The following AK9 variants were observed in gnomAD, a reference collection of about 807,000 sequenced individuals.
The protein encoded by AK9 is adenylate kinase 9, also known as adenylate kinase domain containing 1.
A neutral mutation model predicts 239.6 loss-of-function variants in AK9; 191 were observed. That is an observed-to-expected ratio of 0.80 (90% CI 0.71 to 0.90). The LOEUF (loss-of-function observed/expected upper bound fraction) is 0.90, where lower values mean the gene tolerates loss of function less well. Ranked by LOEUF, AK9 falls within the 40% of genes least tolerant of loss-of-function variation. The pLI is 0.00. For missense variants in AK9, 1,995 were observed against 2,214.7 expected (o/e 0.90, Z 1.99); for synonymous variants, 689 against 721.0 (o/e 0.96, Z 0.71).
chr6:109,518,190 G>A (rs1779462155), intron 29 of AK9, among the ~76,000 whole-genome samples: 2 of 152,136 alleles, frequency 1.3e-5, no homozygotes, highest in Admixed American at 1.3e-4. Context: ...GGAGGAAGAT[G>A]AGAGCATCAG....
chr6:109,605,372 A>C (rs976073641), intron 17 of AK9, among the ~76,000 whole-genome samples: 2 of 152,186 alleles, frequency 1.3e-5, no homozygotes, highest in African/African-American at 4.8e-5. Context: ...CATGTTAATA[A>C]GGTATTCTGC....
intron 21 of AK9, among the ~76,000 whole-genome samples, chr6:109,565,998 G>A (rs1231660036): frequency 6.6e-6 from 1 of 152,010 alleles, no homozygotes; most frequent in Non-Finnish European, 1.5e-5. Context: ...TACAAACCAT[G>A]GAAGAGAAAA....
At chr6:109,605,588 T>C (rs1025089173) in intron 17 of AK9, among the ~76,000 whole-genome samples, 4 of 152,112 alleles carry the variant, frequency 2.6e-5, no homozygotes, top group Non-Finnish European at 5.9e-5. Flanking sequence ...AAAGAGCAAA[T>C]ACTGAGCAAT....
chr6:109,531,376 C>T (rs1781231486), intron 28 of AK9, among the ~76,000 whole-genome samples: 1 of 151,862 alleles, frequency 6.6e-6, no homozygotes, highest in African/African-American at 2.4e-5. Flanking sequence ...GGGGCAAATG[C>T]CTGGGGTGAT....
At position 109,662,866 on chromosome 6, in the gene AK9, A is replaced by C. The variant is rs576917796; in HGVS notation, c.332-203T>G. ...GAATAATGTTTTTCTGATGATAAAGAAATCACTGGACTAGAAGAAGACATT... is the reference window on the plus strand; with the variant it reads ...GAATAATGTTTTTCTGATGATAAAGCAATCACTGGACTAGAAGAAGACATT... On this transcript the variant is annotated intron_variant, in intron 5 of 40. Coordinates refer to ENST00000424296, the MANE Select transcript of AK9 (RefSeq NM_001145128.3). 2.2e-4 allele frequency among the ~76,000 whole-genome samples: 34 copies of C among 152,130 alleles called. No individual in the cohort carries two copies. The East Asian group carries it at 2.3e-3, about 10-fold the overall frequency.
At chr6:109,508,035 G>A (rs999390647) in intron 33 of AK9, among the ~76,000 whole-genome samples, 15 of 152,160 alleles carry the variant, frequency 9.9e-5, no homozygotes, top group Non-Finnish European at 1.9e-4. Flanking sequence ...GGCTTCGCTG[G>A]AGTCTCCATG....
At chr6:109,555,974 G>A (rs1251465109) in intron 24 of AK9, among the ~76,000 whole-genome samples, 2 of 152,098 alleles carry the variant, frequency 1.3e-5, no homozygotes, top group Non-Finnish European at 2.9e-5. Context: ...TTGCCATTCT[G>A]TACATTTGAA....
chr6:109,659,361 T>G lies in AK9; in HGVS notation c.497A>C (p.Asn166Thr). Reference sequence around the variant, plus strand: ...GTCTCTACTGTATATGTATCCCGTATTATTGTGCTGTCTTTGCCCAGAAAT... The same window carrying G: ...GTCTCTACTGTATATGTATCCCGTAGTATTGTGCTGTCTTTGCCCAGAAAT... The part of the protein sequence containing the change: ...QRISGQRQHN[N>T]TGYIYSRDQW... The change falls in exon 7 of 41, where the codon AAT becomes ACT. Residue 166 changes from asparagine to threonine, a missense_variant. By Grantham distance (65) the Asn-to-Thr change is moderately conservative. Transcript: ENST00000424296. 6.2e-7 allele frequency: 1 copy of G among 1,612,386 alleles called. No homozygotes were observed. Among genetic ancestry groups the G allele is most frequent in the African/African-American group, 1.3e-5 (1 of 74,970 alleles).
At chr6:109,502,955 GTA>G (rs1262036214) in intron 35 of AK9, among the ~76,000 whole-genome samples, 169 of 128,392 alleles carry the variant, frequency 1.3e-3, no homozygotes, top group Middle Eastern at 3.8e-3. Context: ...CACAGGAACG[GTA>G]TGTGTGTGTG....
chr6:109,661,739 C>A (rs1168655474), intron 6 of AK9, among the ~76,000 whole-genome samples: 2 of 152,184 alleles, frequency 1.3e-5, no homozygotes, highest in Admixed American at 1.3e-4. Flanking sequence ...GAGCTGAAAA[C>A]CATCTAGTTT....
At position 109,631,344 on chromosome 6, in the gene AK9, A is replaced by G. The variant is rs112114287; in HGVS notation, c.1254+1579T>C. ...TATTAGGAACTCTTACTAATAATATACAAAAACACAACTAAAAATGGGCAA... is the reference window on the plus strand; with the variant it reads ...TATTAGGAACTCTTACTAATAATATGCAAAAACACAACTAAAAATGGGCAA... On this transcript the variant is annotated intron_variant, in intron 12 of 40. Coordinates refer to ENST00000424296, the MANE Select transcript of AK9 (RefSeq NM_001145128.3). Among the ~76,000 whole-genome samples the G allele has an allele frequency of 2.7e-3, 418 of 152,316 alleles. 5 individuals are homozygous for G. The highest frequency in any genetic ancestry group is 9.8e-3 in the African/African-American group (406 of 41,568).
In AK9 at chr6:109,499,169, G is replaced by T; in HGVS notation, c.4921C>A (p.Gln1641Lys). The T allele has an allele frequency of 6.3e-7, 1 of 1,597,786 alleles. No homozygotes were observed. Among genetic ancestry groups the T allele is most frequent in the Non-Finnish European group, 8.5e-7 (1 of 1,171,478 alleles). The change falls in exon 36 of 41, where the codon CAG becomes AAG. Residue 1641 changes from glutamine to lysine, a missense_variant. Gln to Lys is a moderately conservative substitution (Grantham distance 53, BLOSUM62 1). Coordinates refer to ENST00000424296, the MANE Select transcript of AK9 (RefSeq NM_001145128.3). ...TCTGCCAGGCTGACAGGGCAGAACT[G>T]TTCAAATTCTCCCAGGCGAGAAAGC... ...ELLSRLGEFE[Q>K]FCPVSLAESQ...
intron 8 of AK9, 72 bp from the exon 9 acceptor site, chr6:109,644,760 A>G: frequency 7.7e-7 from 1 of 1,295,856 alleles, no homozygotes; most frequent in Non-Finnish European, 1.1e-6. Context: ...CAGAATCTTA[A>G]TATACTGTGC....
chr6:109,529,395 G>T (rs1051239596), intron 28 of AK9, among the ~76,000 whole-genome samples: 7 of 152,084 alleles, frequency 4.6e-5, no homozygotes, highest in African/African-American at 1.7e-4. Context: ...GAAATACGTG[G>T]AGGCAATTCA....
chr6:109,681,548 A>G (rs1458920185), intron 1 of AK9, among the ~76,000 whole-genome samples: 2 of 152,138 alleles, frequency 1.3e-5, no homozygotes, highest in African/African-American at 2.4e-5. Context: ...GAGACAGAAA[A>G]TTAATAATGA....
chr6:109,633,288 A>C lies in AK9; in HGVS notation c.969T>G (p.Leu323=), dbSNP rs766592119. The C allele has an allele frequency of 6.2e-7, 1 of 1,607,012 alleles. No homozygotes were observed. The highest frequency in any genetic ancestry group is 8.5e-7 in the Non-Finnish European group (1 of 1,178,814). The part of the protein sequence containing the change: ...ELFRTLASYK[L]IAPRYRWQRS... ...TTTGCCATCTGTATCTTGGTGCAAT[A>C]AGTTTATAAGATGCAAGAGTACGAA... Residue 323 remains leucine, a synonymous_variant, in exon 11 of 41, where the codon CTT becomes CTG. Coordinates refer to ENST00000424296, the MANE Select transcript of AK9 (RefSeq NM_001145128.3).
intron 12 of AK9, chr6:109,632,365 C>T (rs1224175186): frequency 2.1e-6 from 2 of 957,988 alleles, no homozygotes; most frequent in African/African-American, 3.5e-5. Flanking sequence ...CATTCCAATC[C>T]CTCATCAAAT....
At chr6:109,679,863 A>G (rs1394084808) in intron 1 of AK9, among the ~76,000 whole-genome samples, 2 of 152,206 alleles carry the variant, frequency 1.3e-5, no homozygotes, top group African/African-American at 4.8e-5. Flanking sequence ...TAGCAGAGGG[A>G]CCTGACTGTT....
intron 9 of AK9, 114 bp from the exon 10 acceptor site, chr6:109,641,730 C>G: frequency 1.2e-6 from 1 of 867,796 alleles, no homozygotes; most frequent in South Asian, 1.6e-5. Flanking sequence ...TGGGTCGAAT[C>G]CTTGCTTGCT....
Sources: gnomAD v4.1 joint callset for allele counts (sites outside exome capture counted in the v4.1 genomes callset) on GRCh38, gnomAD v4.1.1 for gene constraint, MANE v1.5 for transcripts, NCBI Gene and HGNC (gene_info 2026-07-23, HGNC 2026-07-21) for gene names.